TENM3: variants seen among roughly 807,000 people sequenced by gnomAD.
The protein encoded by TENM3 is teneurin-3.
TENM3 carries 63 observed loss-of-function variants against 255.1 expected under a neutral mutation model. That is an observed-to-expected ratio of 0.25 (90% CI 0.20 to 0.30). The LOEUF is 0.30. TENM3 is among the 10% of genes least tolerant of loss of function. The probability of loss-of-function intolerance (pLI) is 1.00; values close to 1 mark genes in which losing one functional copy is unlikely to be tolerated. For synonymous variants in TENM3, 1,306 were observed against 1,322.3 expected, an observed-to-expected ratio of 0.99 and a Z score of 0.27; for missense variants, 2,929 against 3,461.1, an observed-to-expected ratio of 0.85 and a Z score of 3.86.
intron 3 of TENM3, among the ~76,000 whole-genome samples, chr4:182,502,572 CTTTTA>C (rs1560838070): frequency 1.3e-5 from 2 of 151,908 alleles, no homozygotes; most frequent in East Asian, 3.9e-4. Context: ...ACTGAATTTT[CTTTTA>C]TTTTGACATG....
chr4:182,765,336 C>T (rs1165458931), intron 22 of TENM3, among the ~76,000 whole-genome samples: 2 of 152,180 alleles, frequency 1.3e-5, no homozygotes, highest in Non-Finnish European at 2.9e-5. Context: ...TAAAAGACAA[C>T]AGCTGTGTTA....
the TENM3 span, among the ~76,000 whole-genome samples, chr4:181,708,742 C>T: frequency 8.4e-4 from 128 of 152,160 alleles, no homozygotes; most frequent in African/African-American, 2.9e-3. Context: ...TCTGACTGGT[C>T]TAAGGATGTT....
At chr4:181,620,448 CAAAT>C in the TENM3 span, among the ~76,000 whole-genome samples, 1 of 152,008 alleles carries the variant, frequency 6.6e-6, no homozygotes, top group East Asian at 1.9e-4. Flanking sequence ...TCTCAGCCCA[CAAAT>C]AATATATTTC....
At chr4:181,539,763 A>G in the TENM3 span, among the ~76,000 whole-genome samples, 1 of 152,230 alleles carries the variant, frequency 6.6e-6, no homozygotes, top group Non-Finnish European at 1.5e-5. Flanking sequence ...CTAGATTTTT[A>G]TATCAAAAAT....
At chr4:182,285,041 C>T (rs1760645682) in intron 1 of TENM3, among the ~76,000 whole-genome samples, 1 of 152,064 alleles carries the variant, frequency 6.6e-6, no homozygotes, top group African/African-American at 2.4e-5. Flanking sequence ...CAAAGACACT[C>T]TAGGGAGAGG....
chr4:181,579,405 A>G, the TENM3 span, among the ~76,000 whole-genome samples: 3 of 152,212 alleles, frequency 2.0e-5, no homozygotes, highest in Non-Finnish European at 4.4e-5. Flanking sequence ...AAGAAATCCT[A>G]GGAAAAACAT....
chr4:182,034,295 G>C, the TENM3 span, among the ~76,000 whole-genome samples: 1 of 152,152 alleles, frequency 6.6e-6, no homozygotes, highest in Non-Finnish European at 1.5e-5. Flanking sequence ...CATATCAATA[G>C]GTCTCTTGAC....
the TENM3 span, among the ~76,000 whole-genome samples, chr4:182,054,085 C>T: frequency 6.6e-6 from 1 of 152,144 alleles, no homozygotes; most frequent in Non-Finnish European, 1.5e-5. Context: ...CATTCCTGCC[C>T]TCATTTACCT....
Position 182,337,856 on chromosome 4 carries a change from T to C in TENM3, c.233-8795T>C, listed in dbSNP as rs149672308. On this transcript the variant is annotated intron_variant, in intron 2 of 27. Coordinates refer to ENST00000511685, the MANE Select transcript of TENM3 (RefSeq NM_001080477.4). ...CAACAATGTGGAAGAATCTTAAATA[T>C]CCACTGAGCAAAAGGATCCTGAGTA... Among the ~76,000 whole-genome samples, 609 of 152,262 alleles carry C rather than the reference T, an allele frequency of 4.0e-3. 4 individuals are homozygous for C. The highest frequency in any genetic ancestry group is 0.014 in the African/African-American group (575 of 41,548).
At chr4:182,477,411 C>T (rs1733780242) in intron 3 of TENM3, among the ~76,000 whole-genome samples, 1 of 152,166 alleles carries the variant, frequency 6.6e-6, no homozygotes, top group African/African-American at 2.4e-5. Flanking sequence ...CCTTGGCTTC[C>T]AGGCATGGTT....
intron 12 of TENM3, among the ~76,000 whole-genome samples, chr4:182,705,474 C>T (rs1758206909): frequency 6.6e-6 from 1 of 152,202 alleles, no homozygotes; most frequent in Non-Finnish European, 1.5e-5. Context: ...TAATATGCCT[C>T]CACCAAGCGC....
chr4:182,220,031 A>G (rs1755751204), intron 1 of TENM3, among the ~76,000 whole-genome samples: 1 of 152,146 alleles, frequency 6.6e-6, no homozygotes, highest in Admixed American at 6.5e-5. Flanking sequence ...AGAACTCAAA[A>G]TGCATGTGGT....
the TENM3 span, among the ~76,000 whole-genome samples, chr4:181,660,131 CA>C: frequency 1.3e-5 from 2 of 152,156 alleles, no homozygotes; most frequent in Non-Finnish European, 2.9e-5. Flanking sequence ...TTTTTATCAG[CA>C]ATGAAACGTT....
At chr4:181,510,681 A>G in the TENM3 span, among the ~76,000 whole-genome samples, 1 of 152,250 alleles carries the variant, frequency 6.6e-6, no homozygotes, top group African/African-American at 2.4e-5. Flanking sequence ...GCAGAATTTA[A>G]GAAAGAGAAA....
chr4:182,189,435 C>G (rs940846694), intron 1 of TENM3, among the ~76,000 whole-genome samples: 2 of 152,054 alleles, frequency 1.3e-5, no homozygotes, highest in African/African-American at 4.8e-5. Flanking sequence ...AACACCAAAG[C>G]TTATACTTAT....
At chr4:182,714,315 C>CAA (rs374337174) in intron 13 of TENM3, 82 bp downstream of exon 13, 1,480 of 140,690 alleles carry the variant, frequency 0.011, 16 homozygotes, top group South Asian at 0.057. Flanking sequence ...TATCTGTTGC[C>CAA]AAAAAAAAAA....
the TENM3 span, among the ~76,000 whole-genome samples, chr4:181,724,683 C>T: frequency 1.3e-5 from 2 of 152,110 alleles, no homozygotes; most frequent in African/African-American, 4.8e-5. Flanking sequence ...CTTTGTTAGA[C>T]AATTGGTTGA....
intron 3 of TENM3, among the ~76,000 whole-genome samples, chr4:182,471,873 A>C (rs184190103): frequency 6.6e-6 from 1 of 152,274 alleles, no homozygotes; most frequent in African/African-American, 2.4e-5. Context: ...TCATTAAATC[A>C]TCCTTATAAG....
Position 182,774,903 on chromosome 4 carries a change from C to T in TENM3, c.5069-15C>T. On this transcript the variant is annotated splice_polypyrimidine_tract_variant and intron_variant, in intron 23 of 27. Coordinates refer to ENST00000511685, the MANE Select transcript of TENM3 (RefSeq NM_001080477.4). ...CATATCTAATAGTTCATGTTTTGTGCTTCTTGTTCTTTAGATCAGTTAAGA... is the reference window on the plus strand; with the variant it reads ...CATATCTAATAGTTCATGTTTTGTGTTTCTTGTTCTTTAGATCAGTTAAGA... The T allele has an allele frequency of 6.4e-7, 1 of 1,570,364 alleles. No individual in the cohort carries two copies. Among genetic ancestry groups the T allele is most frequent in the Admixed American group, 1.7e-5 (1 of 58,534 alleles).
Sources: allele counts gnomAD v4.1 joint callset (sites outside exome capture counted in the v4.1 genomes callset), GRCh38; gene constraint gnomAD v4.1.1; transcripts MANE v1.5; gene names NCBI Gene and HGNC (gene_info 2026-07-23, HGNC 2026-07-21).